Variants in FHOD3 observed in about 807,000 individuals in gnomAD.
The protein encoded by FHOD3 is formin homology 2 domain containing 3.
FHOD3 carries 90 observed loss-of-function variants against 173.0 expected under a neutral mutation model. The ratio of observed to expected loss-of-function variants is 0.52; its 90% CI spans 0.44 to 0.62. FHOD3 has a LOEUF of 0.62. FHOD3 is among the 20% of genes least tolerant of loss of function. The pLI is 0.00. For missense variants in FHOD3, 1,945 were observed against 2,034.7 expected (o/e 0.96, Z 0.85); for synonymous variants, 828 against 823.0 (o/e 1.01, Z -0.10).
intron 3 of FHOD3, among the ~76,000 whole-genome samples, chr18:36,378,165 A>G (rs1327461804): frequency 6.6e-6 from 1 of 152,122 alleles, no homozygotes; most frequent in Admixed American, 6.5e-5. Context: ...CTTGTTGCAA[A>G]GGCTCCTGAG....
intron 27 of FHOD3, among the ~76,000 whole-genome samples, chr18:36,764,654 C>T (rs1043538819): frequency 2.0e-5 from 3 of 152,026 alleles, no homozygotes; most frequent in Non-Finnish European, 2.9e-5. Flanking sequence ...GAAAGGATAG[C>T]GAGAAAAGAT....
intron 10 of FHOD3, among the ~76,000 whole-genome samples, chr18:36,640,477 A>T (rs991526878): frequency 1.3e-5 from 2 of 152,224 alleles, no homozygotes; most frequent in African/African-American, 4.8e-5. Flanking sequence ...TGAGGCCAAG[A>T]TCAAACTGCA....
chr18:36,408,489 G>C (rs1329695637), intron 3 of FHOD3, among the ~76,000 whole-genome samples: 1 of 152,140 alleles, frequency 6.6e-6, no homozygotes, highest in African/African-American at 2.4e-5. Flanking sequence ...GAAGGGCATG[G>C]GGGGGTACAG....
At chr18:36,396,096 G>C (rs1017977934) in intron 3 of FHOD3, among the ~76,000 whole-genome samples, 1 of 151,928 alleles carries the variant, frequency 6.6e-6, no homozygotes, top group Non-Finnish European at 1.5e-5. Context: ...GCATTTTTTC[G>C]TATATAAAGT....
intron 8 of FHOD3, among the ~76,000 whole-genome samples, chr18:36,605,318 A>G (rs2031933484): frequency 6.6e-6 from 1 of 152,194 alleles, no homozygotes; most frequent in African/African-American, 2.4e-5. Flanking sequence ...AGCTATTCTT[A>G]TGATCATAGC....
chr18:36,567,936 C>T (rs182628427), intron 5 of FHOD3, among the ~76,000 whole-genome samples: 2 of 151,964 alleles, frequency 1.3e-5, no homozygotes, highest in Admixed American at 6.6e-5. Context: ...CTCTGTTTTT[C>T]TGCTTGGCCC....
intron 3 of FHOD3, among the ~76,000 whole-genome samples, chr18:36,481,571 C>T (rs997503846): frequency 6.6e-5 from 10 of 151,838 alleles, no homozygotes; most frequent in African/African-American, 2.4e-4. Context: ...AAAACGGGGA[C>T]ATTTGGGTTC....
intron 28 of FHOD3, among the ~76,000 whole-genome samples, chr18:36,771,632 AAGG>A (rs1469099787): frequency 6.6e-6 from 1 of 152,158 alleles, no homozygotes; most frequent in Non-Finnish European, 1.5e-5. Flanking sequence ...TAGTTCATTC[AAGG>A]AGGCCAATAG....
chr18:36,760,836 G>C lies in FHOD3; in HGVS notation c.4624+54G>C, dbSNP rs1363747531. ...TGTCTTCTCAGGTTGGCCGCTCTGGGGGGGTCCGGTCTCCATCGCAGGCTG... is the reference window on the plus strand; with the variant it reads ...TGTCTTCTCAGGTTGGCCGCTCTGGCGGGGTCCGGTCTCCATCGCAGGCTG... On this transcript the variant is annotated intron_variant, in intron 27 of 28. Transcript: ENST00000590592. The C allele has an allele frequency of 2.2e-5, 34 of 1,522,186 alleles. No individual in the cohort carries two copies. In the East Asian group the frequency reaches 7.0e-4, roughly 31 times the overall value. The allele number at this position is 1,522,186 out of a possible 1,614,324, so 94.3% of individuals were successfully genotyped here.
intron 3 of FHOD3, among the ~76,000 whole-genome samples, chr18:36,396,773 T>C (rs2048571798): frequency 6.6e-6 from 1 of 152,202 alleles, no homozygotes; most frequent in African/African-American, 2.4e-5. Context: ...ATTCTCTTCT[T>C]CCTTATAATA....
chr18:36,735,080 G>T (rs1229841407), intron 20 of FHOD3, among the ~76,000 whole-genome samples: 1 of 152,078 alleles, frequency 6.6e-6, no homozygotes, highest in Non-Finnish European at 1.5e-5. Context: ...GAAGTATGAC[G>T]ATTTTTATTT....
At chr18:36,716,125 AAGAT>A (rs1226935703) in intron 18 of FHOD3, among the ~76,000 whole-genome samples, 3 of 152,236 alleles carry the variant, frequency 2.0e-5, no homozygotes, top group Non-Finnish European at 4.4e-5. Context: ...TTTGAGCAGA[AAGAT>A]ATGATCAGAC....
chr18:36,372,739 G>A lies in FHOD3; in HGVS notation c.332G>A (p.Cys111Tyr). The change falls in exon 3 of 29, where the codon TGC becomes TAC. Residue 111 changes from cysteine (C) to tyrosine (Y), a missense_variant. Physicochemically the swap from Cys to Tyr is radical, Grantham distance 194. Coordinates refer to ENST00000590592, the MANE Select transcript of FHOD3 (RefSeq NM_001281740.3). ...RTQLSVRVHACIEKLYNSSGR... is the reference protein window; with the variant it reads ...RTQLSVRVHAYIEKLYNSSGR... ...CAGCTGTCTGTGAGGGTCCATGCCTGCATCGGTGAGTGACACCTGCCCTCA... is the reference window on the plus strand; with the variant it reads ...CAGCTGTCTGTGAGGGTCCATGCCTACATCGGTGAGTGACACCTGCCCTCA... 4 of 1,613,722 alleles carry A rather than the reference G, an allele frequency of 2.5e-6. No homozygotes were observed. The highest frequency in any genetic ancestry group is 2.5e-6 in the Non-Finnish European group (3 of 1,179,758).
At chr18:36,412,235 A>C (rs981045412) in intron 3 of FHOD3, among the ~76,000 whole-genome samples, 3 of 152,194 alleles carry the variant, frequency 2.0e-5, no homozygotes, top group Non-Finnish European at 4.4e-5. Flanking sequence ...AAATGTGATG[A>C]GGGGATCCGT....
chr18:36,451,471 G>C (rs1398956), intron 3 of FHOD3, among the ~76,000 whole-genome samples: 1 of 152,130 alleles, frequency 6.6e-6, no homozygotes, highest in Non-Finnish European at 1.5e-5. Flanking sequence ...CTCTCTATCC[G>C]TGTCTATTGG....
At chr18:36,326,015 C>T (rs76745779) in intron 1 of FHOD3, among the ~76,000 whole-genome samples, 9,694 of 152,268 alleles carry the variant, frequency 0.064, 1,021 homozygotes, top group African/African-American at 0.22. Flanking sequence ...TAATTGGCTC[C>T]TCCAGGAGGG....
At chr18:36,322,490 G>A (rs538413502) in intron 1 of FHOD3, among the ~76,000 whole-genome samples, 7 of 152,256 alleles carry the variant, frequency 4.6e-5, no homozygotes, top group African/African-American at 1.7e-4. Flanking sequence ...CCAGTAGGGA[G>A]CTGGGGCAAT....
At chr18:36,379,570 G>A (rs1285824039) in intron 3 of FHOD3, among the ~76,000 whole-genome samples, 3 of 152,156 alleles carry the variant, frequency 2.0e-5, no homozygotes, top group Non-Finnish European at 2.9e-5. Context: ...AACTGATAAT[G>A]GAGAATGAAG....
chr18:36,480,117 G>A (rs1261107692), intron 3 of FHOD3, among the ~76,000 whole-genome samples: 2 of 152,202 alleles, frequency 1.3e-5, no homozygotes, highest in Admixed American at 6.5e-5. Context: ...CTTCTATGCA[G>A]TGGCACCTTG....
Sources: gnomAD v4.1 joint callset for allele counts (sites outside exome capture counted in the v4.1 genomes callset) on GRCh38, gnomAD v4.1.1 for gene constraint, MANE v1.5 for transcripts, NCBI Gene and HGNC (gene_info 2026-07-23, HGNC 2026-07-21) for gene names.